Variants in PCDHA5 observed in about 807,000 individuals in gnomAD.
PCDHA5 encodes protocadherin alpha-5.
PCDHA5 carries 43 observed loss-of-function variants against 61.6 expected under a neutral mutation model. That is an observed-to-expected ratio of 0.70 (90% CI 0.55 to 0.90). The LOEUF (loss-of-function observed/expected upper bound fraction) is 0.90. PCDHA5 is among the 40% of genes least tolerant of loss of function. The probability of loss-of-function intolerance (pLI) is 0.00; values close to 1 mark genes in which losing one functional copy is unlikely to be tolerated. For synonymous variants in PCDHA5, 627 were observed against 543.9 expected (o/e 1.15, Z -2.13); for missense variants, 1,298 against 1,222.7 (o/e 1.06, Z -0.92).
chr5:141,006,689 G>A (rs1249412460), intron 3 of PCDHA5, among the ~76,000 whole-genome samples: 2 of 152,072 alleles, frequency 1.3e-5, no homozygotes, highest in Non-Finnish European at 2.9e-5. Context: ...TGGGAGAAGA[G>A]GACAGAGTCA....
intron 3 of PCDHA5, among the ~76,000 whole-genome samples, chr5:140,984,683 T>A (rs1481664684): frequency 6.6e-6 from 1 of 152,200 alleles, no homozygotes; most frequent in East Asian, 1.9e-4. Flanking sequence ...GGACTCAATA[T>A]ATGTTCTGCA....
intron 1 of PCDHA5, chr5:140,842,406 A>G: frequency 6.2e-7 from 1 of 1,612,200 alleles, no homozygotes; most frequent in Non-Finnish European, 8.5e-7. Context: ...GTACGTGAAG[A>G]CGCTCAATTT....
chr5:140,854,841 T>C (rs2043239245), intron 1 of PCDHA5, among the ~76,000 whole-genome samples: 1 of 149,832 alleles, frequency 6.7e-6, no homozygotes, highest in South Asian at 2.1e-4. Context: ...TTCACTGACA[T>C]TGATAAAATT....
At chr5:140,927,376 A>G (rs1554204440) in intron 1 of PCDHA5, 13 of 1,614,094 alleles carry the variant, frequency 8.1e-6, no homozygotes, top group East Asian at 2.2e-5. Context: ...ACTAAGCTAC[A>G]GCCTAAGCCC....
Position 141,011,938 on chromosome 5 carries a change from T to TA in PCDHA5, c.*2008dup, listed in dbSNP as rs1489019865. 2.6e-5 allele frequency: 4 copies of TA among 153,644 alleles called. No individual in the cohort carries two copies. The highest frequency in any genetic ancestry group is 6.5e-5 in the Admixed American group (1 of 15,278). The allele number at this position is 153,644 out of a possible 1,614,324, so 9.5% of individuals were successfully genotyped here. A position where few individuals can be genotyped will look rare whatever the true frequency, so the allele number is the denominator to read the frequency against. ...ATAAAAGAGGTAGGAGTCTGTTATT[T>TA]AAAAAAAGCATTAAATTTAAAAAAA... On this transcript the variant is annotated 3_prime_UTR_variant, in exon 4 of 4. Transcript: ENST00000529859.
rs539970308 is a variant in PCDHA5 at position 140,890,959 on chromosome 5, G to GGTTTT, written c.2352+66838_2352+66842dup. 2.6e-4 allele frequency among the ~76,000 whole-genome samples: 40 copies of GGTTTT among 152,148 alleles called. 1 individual carries two copies. In the South Asian group the frequency reaches 8.1e-3, roughly 31 times the overall value. On this transcript the variant is annotated intron_variant, in intron 1 of 3. Transcript: ENST00000529859. ...AAGATGCTGGTGAGGAATGATTTCAGGTTTTGTTTTTCTGAAAATGTCTTT... is the reference window on the plus strand; with the variant it reads ...AAGATGCTGGTGAGGAATGATTTCAGGTTTTGTTTTGTTTTTCTGAAAATGTCTTT...
At chr5:140,928,536 GA>G (rs782686789) in intron 1 of PCDHA5, 1 of 1,614,228 alleles carries the variant, frequency 6.2e-7, no homozygotes, top group Non-Finnish European at 8.5e-7. Context: ...TGGTAGATAG[GA>G]ATGACAATTA....
At chr5:141,000,361 GTC>G (rs148596731) in intron 3 of PCDHA5, among the ~76,000 whole-genome samples, 577 of 26,370 alleles carry the variant, frequency 0.022, 17 homozygotes, top group Admixed American at 0.027. Context: ...GTCTCTCTCT[GTC>G]TCTCTCTCTC....
intron 1 of PCDHA5, among the ~76,000 whole-genome samples, chr5:140,925,244 G>A (rs1403438242): frequency 1.3e-5 from 2 of 152,070 alleles, no homozygotes; most frequent in African/African-American, 4.8e-5. Context: ...AATATGTCCT[G>A]GAAACTTTAA....
chr5:140,843,412 C>A, intron 1 of PCDHA5: 3 of 1,596,066 alleles, frequency 1.9e-6, no homozygotes, highest in Non-Finnish European at 2.6e-6. Flanking sequence ...TGGATGTCAA[C>A]GTGTACCTGA....
intron 3 of PCDHA5, among the ~76,000 whole-genome samples, chr5:140,996,588 G>A (rs1031631617): frequency 3.2e-4 from 49 of 152,082 alleles, no homozygotes; most frequent in Admixed American, 2.0e-3. Flanking sequence ...AACAAGGGCC[G>A]CCTCCCCCCA....
intron 1 of PCDHA5, chr5:140,843,649 T>C: frequency 6.3e-7 from 1 of 1,595,168 alleles, no homozygotes. Context: ...GCCCCTGCCT[T>C]CCTCCTGATC....
At chr5:140,833,089 G>A (rs1772288607) in intron 1 of PCDHA5, among the ~76,000 whole-genome samples, 1 of 152,162 alleles carries the variant, frequency 6.6e-6, no homozygotes, top group South Asian at 2.1e-4. Context: ...TTGAGTACTA[G>A]ACGAGTAATT....
chr5:140,869,401 G>T, intron 1 of PCDHA5: 1 of 1,614,222 alleles, frequency 6.2e-7, no homozygotes, highest in South Asian at 1.1e-5. Flanking sequence ...CGGGCAGAGC[G>T]CGGAGTGCAG....
chr5:141,005,339 T>C (rs920058303), intron 3 of PCDHA5, among the ~76,000 whole-genome samples: 5 of 151,926 alleles, frequency 3.3e-5, no homozygotes, highest in African/African-American at 9.7e-5. Context: ...GCCAAGGGGG[T>C]GCTGCTTGGC....
intron 1 of PCDHA5, chr5:140,859,840 A>G (rs989673306): frequency 6.6e-6 from 1 of 152,134 alleles, no homozygotes; most frequent in South Asian, 2.1e-4. Flanking sequence ...TTGTTATTTT[A>G]TCAAATAGGT....
chr5:140,828,620 T>C (rs2150157459), intron 1 of PCDHA5: 3 of 1,614,062 alleles, frequency 1.9e-6, no homozygotes, highest in African/African-American at 2.7e-5. Context: ...TTCTAGCGAA[T>C]ACTTCGGGCT....
chr5:140,874,187 C>A (rs1554167080), intron 1 of PCDHA5, among the ~76,000 whole-genome samples: 1 of 152,168 alleles, frequency 6.6e-6, no homozygotes, highest in Non-Finnish European at 1.5e-5. Context: ...GTAAAGGTGT[C>A]ATATTTCAGT....
intron 1 of PCDHA5, among the ~76,000 whole-genome samples, chr5:140,838,775 A>T (rs1233397292): frequency 2.0e-5 from 3 of 151,986 alleles, no homozygotes; most frequent in Non-Finnish European, 4.4e-5. Context: ...TTGTAAAATT[A>T]GCTATGCATG....
Sources: allele counts gnomAD v4.1 joint callset (sites outside exome capture counted in the v4.1 genomes callset), GRCh38; gene constraint gnomAD v4.1.1; transcripts MANE v1.5; gene names NCBI Gene and HGNC (gene_info 2026-07-23, HGNC 2026-07-21).